The following PIGK variants were observed in gnomAD, a reference collection of about 807,000 sequenced individuals.
PIGK encodes the protein GPI-anchor transamidase.
A neutral mutation model predicts 50.6 loss-of-function variants in PIGK; 42 were observed. That is an observed-to-expected ratio of 0.83 (90% CI 0.65 to 1.07). The LOEUF (loss-of-function observed/expected upper bound fraction) is 1.07, where lower values mean the gene tolerates loss of function less well. PIGK is among the 50% of genes least tolerant of loss of function. The probability of loss-of-function intolerance (pLI) is 0.00; values close to 1 mark genes in which losing one functional copy is unlikely to be tolerated. For missense variants in PIGK, 448 were observed against 488.7 expected, an observed-to-expected ratio of 0.92 and a Z score of 0.78; for synonymous variants, 151 against 156.0, an observed-to-expected ratio of 0.97 and a Z score of 0.24.
rs1198199778 is a variant in PIGK, at chr1:77,195,112, C to G, written c.239+11528G>C. On this transcript the variant is annotated intron_variant, in intron 3 of 10. Coordinates refer to ENST00000370812, the MANE Select transcript of PIGK (RefSeq NM_005482.3). Reference sequence around the variant, plus strand: ...AGACTGGTGAGGTGTGGTCATATTACACAGGAAGGAGGGTGATTCAGAGTT... The same window carrying G: ...AGACTGGTGAGGTGTGGTCATATTAGACAGGAAGGAGGGTGATTCAGAGTT... 8.5e-6 allele frequency: 10 copies of G among 1,180,980 alleles called. No homozygotes were observed. In the African/African-American group the frequency reaches 1.5e-4, roughly 18 times the overall value. The allele number at this position is 1,180,980 out of a possible 1,614,324, so 73.2% of individuals were successfully genotyped here.
intron 10 of PIGK, among the ~76,000 whole-genome samples, chr1:77,105,279 G>A (rs1297471788): frequency 5.9e-5 from 9 of 152,060 alleles, no homozygotes; most frequent in South Asian, 4.2e-4. Flanking sequence ...GCACAGGATG[G>A]GGGTGGGGCA....
intron 9 of PIGK, among the ~76,000 whole-genome samples, chr1:77,141,072 C>T (rs566756355): frequency 6.6e-6 from 1 of 152,170 alleles, no homozygotes; most frequent in Admixed American, 6.5e-5. Flanking sequence ...TCTAAATATA[C>T]ACATCTTTGC....
chr1:77,167,366 T>C (rs1259843183), intron 4 of PIGK, among the ~76,000 whole-genome samples: 1 of 152,082 alleles, frequency 6.6e-6, no homozygotes, highest in Admixed American at 6.6e-5. Flanking sequence ...AAAGTAAAAC[T>C]ACCTTGGAGA....
rs145309677 is a variant in PIGK at position 77,110,148 on chromosome 1, G to A, written c.1071+12127C>T. Among the ~76,000 whole-genome samples the A allele has an allele frequency of 1.8e-3, 268 of 152,270 alleles. 9 individuals carry two copies. In the East Asian group the frequency reaches 0.048, roughly 27 times the overall value. On this transcript the variant is annotated intron_variant, in intron 10 of 10. Transcript: ENST00000370812. ...ATGGAAGACTATTCCATGCTCATGG[G>A]TAGGAAGAATCAATATCGAGAAAAT...
At chr1:77,172,886 T>C (rs1008715716) in intron 3 of PIGK, among the ~76,000 whole-genome samples, 1 of 152,170 alleles carries the variant, frequency 6.6e-6, no homozygotes, top group Non-Finnish European at 1.5e-5. Context: ...ATCACGCCAC[T>C]GCACTCCAGC....
At chr1:77,097,573 CCA>C (rs1158488345) in intron 10 of PIGK, among the ~76,000 whole-genome samples, 3 of 141,750 alleles carry the variant, frequency 2.1e-5, no homozygotes, top group African/African-American at 7.3e-5. Context: ...TGAAAGATGA[CCA>C]CAGTTTTTCC....
intron 10 of PIGK, among the ~76,000 whole-genome samples, chr1:77,116,214 C>T (rs531501910): frequency 3.3e-5 from 5 of 151,816 alleles, no homozygotes; most frequent in Admixed American, 6.6e-5. Flanking sequence ...GACAGAGTCT[C>T]GCTCTGTCGC....
In PIGK at chr1:77,108,157, G is replaced by A. The variant is rs183570965; in HGVS notation, c.1071+14118C>T. ...ATGATGTTAGCTGGTTATTTCGCTC[G>A]TTAGTTGATGCAGTTTCTTCTTAGC... On this transcript the variant is annotated intron_variant, in intron 10 of 10. Transcript: ENST00000370812. Among the ~76,000 whole-genome samples, 416 of 152,234 alleles carry A rather than the reference G, an allele frequency of 2.7e-3. 1 individual carries two copies. Among genetic ancestry groups the A allele is most frequent in the African/African-American group, 9.2e-3 (383 of 41,542 alleles).
intron 8 of PIGK, among the ~76,000 whole-genome samples, chr1:77,160,262 G>T (rs571593008): frequency 5.5e-4 from 83 of 152,260 alleles, no homozygotes; most frequent in African/African-American, 1.8e-3. Context: ...GTGGAACTGT[G>T]AGTCCATTAA....
intron 9 of PIGK, among the ~76,000 whole-genome samples, chr1:77,127,191 G>T (rs186807660): frequency 6.6e-6 from 1 of 152,146 alleles, no homozygotes; most frequent in African/African-American, 2.4e-5. Context: ...AGCCTATGAA[G>T]TTAGTCTTTA....
chr1:77,187,623 G>T (rs149753271), intron 3 of PIGK, among the ~76,000 whole-genome samples: 77 of 152,274 alleles, frequency 5.1e-4, no homozygotes, highest in Middle Eastern at 6.8e-3. Flanking sequence ...CACAACAGAG[G>T]TAAGGAAGAA....
chr1:77,211,233 T>C (rs375421655), intron 1 of PIGK, among the ~76,000 whole-genome samples: 4 of 152,052 alleles, frequency 2.6e-5, no homozygotes, highest in African/African-American at 9.6e-5. Flanking sequence ...CCAAGTAAGT[T>C]TGGCATATAG....
intron 10 of PIGK, among the ~76,000 whole-genome samples, chr1:77,112,668 C>T (rs1653881312): frequency 6.6e-6 from 1 of 152,092 alleles, no homozygotes; most frequent in Non-Finnish European, 1.5e-5. Context: ...ATGCATTGGG[C>T]ATGAGTAATT....
chr1:77,171,539 T>C (rs1401888706), intron 3 of PIGK, among the ~76,000 whole-genome samples: 2 of 150,542 alleles, frequency 1.3e-5, no homozygotes, highest in Non-Finnish European at 3.0e-5. Context: ...TCAATAGCTA[T>C]ATAATGTCAA....
chr1:77,103,856 T>C (rs1432915815), intron 10 of PIGK, among the ~76,000 whole-genome samples: 4 of 152,138 alleles, frequency 2.6e-5, no homozygotes, highest in Non-Finnish European at 5.9e-5. Flanking sequence ...AAACTACCTA[T>C]AGCTGGTAGA....
At position 77,161,386 on chromosome 1, in the gene PIGK, A is replaced by G; in HGVS notation, c.722T>C (p.Ile241Thr). 6.3e-7 allele frequency: 1 copy of G among 1,592,358 alleles called. No individual in the cohort carries two copies. Among genetic ancestry groups the G allele is most frequent in the East Asian group, 2.2e-5 (1 of 44,710 alleles). Residue 241 changes from isoleucine to threonine, a missense_variant, in exon 8 of 11, where the codon ATT becomes ACT. Transcript: ENST00000370812. ...GTATCTATCCATAAGATGGACTCCA[A>G]TTGCAGGATCAGGTTGATGCTATGG... ...DSLSHQPDPA[I>T]GVHLMDRYTF...
At chr1:77,153,355 G>A (rs1023385554) in intron 9 of PIGK, among the ~76,000 whole-genome samples, 1 of 152,016 alleles carries the variant, frequency 6.6e-6, no homozygotes, top group Non-Finnish European at 1.5e-5. Context: ...TAGGGAAAGT[G>A]TTTGGGAGGA....
intron 9 of PIGK, among the ~76,000 whole-genome samples, chr1:77,126,930 G>T (rs763296198): frequency 6.6e-6 from 1 of 151,898 alleles, no homozygotes; most frequent in African/African-American, 2.4e-5. Flanking sequence ...TCTTTCCAAG[G>T]TCCTTCACTA....
At chr1:77,218,845 CT>C (rs1434865316) in intron 1 of PIGK, among the ~76,000 whole-genome samples, 2 of 152,118 alleles carry the variant, frequency 1.3e-5, no homozygotes, top group African/African-American at 4.8e-5. Flanking sequence ...CGTGTTGCCC[CT>C]AAGCCAGAAA....
Sources: allele counts gnomAD v4.1 joint callset (sites outside exome capture counted in the v4.1 genomes callset), GRCh38; gene constraint gnomAD v4.1.1; transcripts MANE v1.5; gene names NCBI Gene and HGNC (gene_info 2026-07-23, HGNC 2026-07-21).